The following BRDT variants were observed in gnomAD, a reference collection of about 807,000 sequenced individuals.
BRDT encodes bromodomain testis-specific protein.
BRDT carries 77 observed loss-of-function variants against 113.9 expected under a neutral mutation model. That is an observed-to-expected ratio of 0.68 (90% CI 0.56 to 0.82). The LOEUF (loss-of-function observed/expected upper bound fraction) is 0.82. Among genes scored for constraint, BRDT ranks in the 40% least tolerant of loss-of-function variants. The pLI is 0.00. For synonymous variants in BRDT, 358 were observed against 366.5 expected (o/e 0.98, Z 0.26); for missense variants, 1,027 against 1,105.4 (o/e 0.93, Z 1.01).
In BRDT at chr1:91,991,719, G is replaced by A. The variant is rs1023015444; in HGVS notation, c.2064+474G>A. On this transcript the variant is annotated intron_variant, in intron 13 of 18. Coordinates refer to ENST00000399546, the MANE Select transcript of BRDT (RefSeq NM_207189.4). ...TTGAAAAGAACAGAAGTGGCCAGGC[G>A]AGGTGGCTCACGCCTGTAATCCCAG... 7.2e-5 allele frequency among the ~76,000 whole-genome samples: 11 copies of A among 152,270 alleles called. No individual in the cohort carries two copies. The East Asian group carries it at 7.7e-4, about 11-fold the overall frequency.
At chr1:91,973,021 T>G (rs10783072) in intron 4 of BRDT, among the ~76,000 whole-genome samples, 76,398 of 151,882 alleles carry the variant, frequency 0.5, 19,708 homozygotes, top group East Asian at 0.57. Flanking sequence ...AAATGTTATT[T>G]TATATGGGGT....
At chr1:91,955,634 G>A (rs1423243677) in intron 1 of BRDT, among the ~76,000 whole-genome samples, 1 of 151,848 alleles carries the variant, frequency 6.6e-6, no homozygotes, top group East Asian at 1.9e-4. Flanking sequence ...AGCCACATAA[G>A]CCCATTTTTA....
At chr1:91,996,280 G>A (rs1376019758) in intron 15 of BRDT, among the ~76,000 whole-genome samples, 2 of 151,794 alleles carry the variant, frequency 1.3e-5, no homozygotes, top group Non-Finnish European at 2.9e-5. Flanking sequence ...ACAGAGTCTC[G>A]CCCTGTTGCC....
chr1:91,987,212 G>A (rs986649971), intron 12 of BRDT, among the ~76,000 whole-genome samples: 13 of 151,952 alleles, frequency 8.6e-5, no homozygotes, highest in Admixed American at 4.6e-4. Context: ...GAGGCACCAC[G>A]CCTGGCCTAT....
intron 1 of BRDT, among the ~76,000 whole-genome samples, chr1:91,958,661 A>C (rs985117195): frequency 9.2e-5 from 14 of 152,168 alleles, no homozygotes; most frequent in African/African-American, 3.4e-4. Flanking sequence ...ATCCTGTGTA[A>C]GTTTTTTGTG....
At chr1:92,004,929 A>C (rs111861116) in intron 17 of BRDT, among the ~76,000 whole-genome samples, 190 bp from the exon 18 acceptor site, 1 of 152,212 alleles carries the variant, frequency 6.6e-6, no homozygotes, top group Non-Finnish European at 1.5e-5. Context: ...ACAGTTTTCC[A>C]AAACCATTTA....
chr1:91,970,015 A>G (rs1683473747), intron 4 of BRDT, among the ~76,000 whole-genome samples: 1 of 151,568 alleles, frequency 6.6e-6, no homozygotes, highest in South Asian at 2.1e-4. Flanking sequence ...TTTTTAGTAG[A>G]GATGGGGTTT....
At chr1:91,956,530 A>C (rs989239527) in intron 1 of BRDT, among the ~76,000 whole-genome samples, 1 of 152,200 alleles carries the variant, frequency 6.6e-6, no homozygotes, top group Non-Finnish European at 1.5e-5. Context: ...AATGTGGCTA[A>C]GTTTTTAATT....
chr1:91,960,618 C>T (rs546976497), intron 1 of BRDT, among the ~76,000 whole-genome samples: 1 of 152,204 alleles, frequency 6.6e-6, no homozygotes, highest in South Asian at 2.1e-4. Context: ...AGATTGGTTT[C>T]ACAAAAAACA....
chr1:92,014,219 T>A lies in BRDT; in HGVS notation c.2789T>A (p.Ile930Asn). 1 of 1,589,178 alleles carries A rather than the reference T, an allele frequency of 6.3e-7. No homozygotes were observed. The highest frequency in any genetic ancestry group is 8.5e-7 in the Non-Finnish European group (1 of 1,172,338). Reference protein sequence around the residue: ...RRRREAMVGTIDMTLQSDIMT... With the variant: ...RRRREAMVGTNDMTLQSDIMT... ...CTTTTTCTACAGATGGTGGGTACCATTGATATGACCCTTCAAAGTGACATT... is the reference window on the plus strand; with the variant it reads ...CTTTTTCTACAGATGGTGGGTACCAATGATATGACCCTTCAAAGTGACATT... Residue 930 changes from isoleucine to asparagine, a missense_variant, in exon 19 of 19, where the codon ATT becomes AAT. Coordinates refer to ENST00000399546, the MANE Select transcript of BRDT (RefSeq NM_207189.4).
chr1:91,975,508 T>A (rs1684049786), intron 4 of BRDT, among the ~76,000 whole-genome samples: 1 of 152,106 alleles, frequency 6.6e-6, no homozygotes, highest in Non-Finnish European at 1.5e-5. Context: ...AATAATTGAG[T>A]TGTGCACTGA....
intron 15 of BRDT, among the ~76,000 whole-genome samples, chr1:92,001,425 A>G (rs1162021008): frequency 1.3e-5 from 2 of 152,050 alleles, no homozygotes; most frequent in African/African-American, 2.4e-5. Context: ...GCCAGCCACA[A>G]TGGCTCATGC....
intron 5 of BRDT, 96 bp downstream of exon 5, chr1:91,976,534 CT>C: frequency 1.6e-6 from 2 of 1,213,752 alleles, no homozygotes; most frequent in Non-Finnish European, 2.2e-6. Flanking sequence ...AGCAATTTTT[CT>C]TTTTTAATTC....
At chr1:91,951,185 G>A (rs533823082) in intron 1 of BRDT, among the ~76,000 whole-genome samples, 6 of 152,266 alleles carry the variant, frequency 3.9e-5, no homozygotes, top group South Asian at 4.1e-4. Context: ...GTCGCTGACC[G>A]TGTTGGGAAT....
At chr1:91,981,442 G>A (rs1684721010) in intron 11 of BRDT, 61 bp downstream of exon 11, 15 of 1,523,984 alleles carry the variant, frequency 9.8e-6, no homozygotes, top group Non-Finnish European at 1.4e-5. Context: ...ACAGGGTCTT[G>A]TGATATTGCC....
chr1:91,963,552 C>T (rs1682729735), intron 2 of BRDT, among the ~76,000 whole-genome samples: 1 of 152,082 alleles, frequency 6.6e-6, no homozygotes, highest in Non-Finnish European at 1.5e-5. Context: ...CTTGACACTT[C>T]CTGGCAGGCT....
Position 91,992,288 on chromosome 1 carries a change from C to A in BRDT, c.2089C>A (p.Pro697Thr). The change falls in exon 14 of 19, where the codon CCT becomes ACT. Residue 697 changes from proline (P) to threonine (T), a missense_variant. Transcript: ENST00000399546. ...GAAAATGAAGAATGAATGCATACCG[C>A]CTGAAGGAAGAACAGGCGTCACACA... ...VKKMKNECIP[P>T]EGRTGVTQIG... 6.6e-7 allele frequency: 1 copy of A among 1,510,252 alleles called. No individual in the cohort carries two copies. Among genetic ancestry groups the A allele is most frequent in the South Asian group, 1.3e-5 (1 of 74,762 alleles). The allele number at this position is 1,510,252 out of a possible 1,614,324, so 93.6% of individuals were successfully genotyped here. A position where few individuals can be genotyped will look rare whatever the true frequency, so the allele number is the denominator to read the frequency against.
intron 15 of BRDT, among the ~76,000 whole-genome samples, chr1:91,994,760 T>C (rs1237347896): frequency 4.1e-5 from 6 of 145,832 alleles, no homozygotes; most frequent in Admixed American, 6.9e-5. Flanking sequence ...CCCAGCTACT[T>C]GGGAGGCTGA....
intron 16 of BRDT, among the ~76,000 whole-genome samples, chr1:92,003,061 T>C (rs1441699092): frequency 3.3e-5 from 5 of 152,200 alleles, no homozygotes; most frequent in African/African-American, 1.2e-4. Flanking sequence ...ATGCTTTAGT[T>C]GAGTGAGTCA....
Sources: allele counts gnomAD v4.1 joint callset (sites outside exome capture counted in the v4.1 genomes callset), GRCh38; gene constraint gnomAD v4.1.1; transcripts MANE v1.5; gene names NCBI Gene and HGNC (gene_info 2026-07-23, HGNC 2026-07-21).